GALNT13: variants seen among roughly 807,000 people sequenced by gnomAD.
GALNT13 encodes the protein polypeptide N-acetylgalactosaminyltransferase 13.
GALNT13 carries 28 observed loss-of-function variants against 64.2 expected under a neutral mutation model. The observed-to-expected ratio is 0.44, with a 90% CI of 0.32 to 0.60. The LOEUF (loss-of-function observed/expected upper bound fraction) is 0.60. GALNT13 is among the 20% of genes least tolerant of loss of function. The pLI is 0.05. For synonymous variants in GALNT13, 214 were observed against 224.6 expected, an observed-to-expected ratio of 0.95 and a Z score of 0.42; for missense variants, 577 against 669.8, an observed-to-expected ratio of 0.86 and a Z score of 1.53.
the GALNT13 span, among the ~76,000 whole-genome samples, chr2:153,439,993 G>C: frequency 1.3e-5 from 2 of 152,130 alleles, no homozygotes; most frequent in Non-Finnish European, 2.9e-5. Flanking sequence ...TTTTAGTTCT[G>C]TGCAGGATGT....
the GALNT13 span, among the ~76,000 whole-genome samples, chr2:153,131,970 G>A: frequency 1.4e-4 from 22 of 152,202 alleles, no homozygotes; most frequent in African/African-American, 5.3e-4. Flanking sequence ...TAACCTGGAC[G>A]ATGGCCACAT....
chr2:153,666,308 C>T, the GALNT13 span, among the ~76,000 whole-genome samples: 1 of 152,166 alleles, frequency 6.6e-6, no homozygotes, highest in African/African-American at 2.4e-5. Context: ...CACACAATTA[C>T]AGACCCTGAT....
chr2:153,781,218 A>G, the GALNT13 span, among the ~76,000 whole-genome samples: 1 of 152,290 alleles, frequency 6.6e-6, no homozygotes, highest in South Asian at 2.1e-4. Context: ...TAAATATTAT[A>G]TTTTGCCACT....
chr2:154,145,629 G>A (rs1363515822), intron 4 of GALNT13, among the ~76,000 whole-genome samples: 2 of 151,894 alleles, frequency 1.3e-5, no homozygotes, highest in Admixed American at 6.6e-5. Flanking sequence ...CCAAATAACT[G>A]CTTCTTACAT....
chr2:153,559,412 C>T, the GALNT13 span, among the ~76,000 whole-genome samples: 13 of 152,260 alleles, frequency 8.5e-5, no homozygotes, highest in African/African-American at 3.1e-4. Flanking sequence ...TGTCAGTACC[C>T]TGGCTTTGGC....
chr2:153,788,709 C>T, the GALNT13 span, among the ~76,000 whole-genome samples: 8 of 152,188 alleles, frequency 5.3e-5, no homozygotes, highest in African/African-American at 1.9e-4. Flanking sequence ...AGAGATCTAA[C>T]TCACATGCAA....
At chr2:154,366,812 A>G (rs985104776) in intron 9 of GALNT13, among the ~76,000 whole-genome samples, 3 of 152,158 alleles carry the variant, frequency 2.0e-5, no homozygotes, top group Non-Finnish European at 2.9e-5. Flanking sequence ...TAGTTACACA[A>G]AAAAGCAAGT....
the GALNT13 span, among the ~76,000 whole-genome samples, chr2:153,259,801 C>A: frequency 1.3e-5 from 2 of 152,146 alleles, no homozygotes; most frequent in Non-Finnish European, 2.9e-5. Flanking sequence ...TTCTTCATAG[C>A]AGTATGAAAA....
chr2:154,135,686 G>A (rs1010073265), intron 3 of GALNT13, among the ~76,000 whole-genome samples: 19 of 152,094 alleles, frequency 1.2e-4, no homozygotes, highest in African/African-American at 4.3e-4. Flanking sequence ...CCTGAGCCAC[G>A]TGTGATGGTG....
the GALNT13 span, among the ~76,000 whole-genome samples, chr2:153,231,145 C>T: frequency 6.6e-6 from 1 of 152,252 alleles, no homozygotes; most frequent in South Asian, 2.1e-4. Flanking sequence ...AATGGAGATA[C>T]TCCCAGGAAT....
intron 4 of GALNT13, among the ~76,000 whole-genome samples, chr2:154,214,579 C>T (rs1434579710): frequency 6.6e-6 from 1 of 151,934 alleles, no homozygotes; most frequent in Non-Finnish European, 1.5e-5. Flanking sequence ...GTGGTTTTTC[C>T]CCTGATGTTC....
the GALNT13 span, among the ~76,000 whole-genome samples, chr2:153,843,144 C>G: frequency 6.6e-6 from 1 of 151,822 alleles, no homozygotes; most frequent in African/African-American, 2.4e-5. Flanking sequence ...AAAGAAATAC[C>G]TGAGACTGGG....
At chr2:154,070,543 TTCAC>T (rs1388079410) in intron 3 of GALNT13, among the ~76,000 whole-genome samples, 13 of 151,956 alleles carry the variant, frequency 8.6e-5, no homozygotes, top group Admixed American at 7.2e-4. Context: ...TATGTTAAAA[TTCAC>T]CAAAAAGAAA....
the GALNT13 span, among the ~76,000 whole-genome samples, chr2:153,401,687 T>C: frequency 2.7e-5 from 4 of 148,282 alleles, no homozygotes; most frequent in South Asian, 8.7e-4. Context: ...GTAATGGCCT[T>C]CTTTGTCTCT....
At chr2:153,823,091 A>G in the GALNT13 span, among the ~76,000 whole-genome samples, 1 of 152,240 alleles carries the variant, frequency 6.6e-6, no homozygotes, top group African/African-American at 2.4e-5. Context: ...CTGTACAAGG[A>G]TAATTATAAA....
At chr2:153,352,204 CAT>C in the GALNT13 span, among the ~76,000 whole-genome samples, 2 of 152,072 alleles carry the variant, frequency 1.3e-5, no homozygotes, top group South Asian at 2.1e-4. Flanking sequence ...TCCCTGGTGA[CAT>C]ATAATGTAAG....
the GALNT13 span, among the ~76,000 whole-genome samples, chr2:153,380,813 A>G: frequency 1.3e-5 from 2 of 152,140 alleles, no homozygotes; most frequent in Admixed American, 1.3e-4. Context: ...TATTTTATAT[A>G]TTGTATTTTA....
At chr2:154,224,030 A>ATTAT (rs1688459775) in intron 4 of GALNT13, among the ~76,000 whole-genome samples, 1 of 152,058 alleles carries the variant, frequency 6.6e-6, no homozygotes, top group Admixed American at 6.6e-5. Flanking sequence ...AGAAGTTTAC[A>ATTAT]TTATTTATTT....
chr2:153,303,177 G>A, the GALNT13 span, among the ~76,000 whole-genome samples: 2 of 152,088 alleles, frequency 1.3e-5, no homozygotes, highest in Non-Finnish European at 2.9e-5. Context: ...CATGAACACA[G>A]GATATCTTTC....
Sources: allele counts gnomAD v4.1 joint callset (sites outside exome capture counted in the v4.1 genomes callset), GRCh38; gene constraint gnomAD v4.1.1; transcripts MANE v1.5; gene names NCBI Gene and HGNC (gene_info 2026-07-23, HGNC 2026-07-21).